The following UTS2 variants were observed in gnomAD, a reference collection of about 807,000 sequenced individuals.
The protein encoded by UTS2 is urotensin-2.
UTS2 carries 10 observed loss-of-function variants against 12.6 expected under a neutral mutation model. The ratio of observed to expected loss-of-function variants is 0.80; its 90% CI spans 0.49 to 1.35. The LOEUF is 1.35. UTS2 is among the 40% of genes most tolerant of loss of function. UTS2 has a pLI of 0.00. For missense variants in UTS2, 142 were observed against 143.2 expected, an observed-to-expected ratio of 0.99 and a Z score of 0.04; for synonymous variants, 52 against 50.0, an observed-to-expected ratio of 1.04 and a Z score of -0.17.
chr1:7,892,478 T>G, the UTS2 span, among the ~76,000 whole-genome samples: 25 of 141,606 alleles, frequency 1.8e-4, no homozygotes, highest in African/African-American at 6.4e-4. Flanking sequence ...TGTTTTTTTT[T>G]TTTTTTTTTT....
At chr1:7,860,072 T>A in the UTS2 span, among the ~76,000 whole-genome samples, 17 of 152,306 alleles carry the variant, frequency 1.1e-4, no homozygotes, top group African/African-American at 3.9e-4. Flanking sequence ...AGTAATGTTA[T>A]TCTCTCACTC....
At chr1:7,888,985 G>A in the UTS2 span, among the ~76,000 whole-genome samples, 5 of 152,064 alleles carry the variant, frequency 3.3e-5, no homozygotes, top group Middle Eastern at 3.4e-3. Context: ...ATAAGAGTAT[G>A]CGCATAACTC....
At chr1:7,901,622 G>GTC in the UTS2 span, among the ~76,000 whole-genome samples, 5,400 of 126,712 alleles carry the variant, frequency 0.043, 503 homozygotes, top group East Asian at 0.44. Context: ...GTGTGTGTGT[G>GTC]TGTGTGTGTA....
chr1:7,885,822 G>A, the UTS2 span, among the ~76,000 whole-genome samples: 1 of 108,554 alleles, frequency 9.2e-6, no homozygotes, highest in East Asian at 2.7e-4. Flanking sequence ...GAAAGGTGAG[G>A]TGGGGAAATC....
intron 1 of UTS2, among the ~76,000 whole-genome samples, chr1:7,851,228 C>T (rs2097413839): frequency 6.6e-6 from 1 of 152,148 alleles, no homozygotes; most frequent in African/African-American, 2.4e-5. Context: ...CATTTTGGTT[C>T]AAAAAGTCTG....
At chr1:7,910,420 C>G in the UTS2 span, among the ~76,000 whole-genome samples, 1 of 152,200 alleles carries the variant, frequency 6.6e-6, no homozygotes, top group Non-Finnish European at 1.5e-5. Context: ...ACAGAGAGGC[C>G]AAGAAGGCCC....
the UTS2 span, among the ~76,000 whole-genome samples, chr1:7,868,671 G>A: frequency 1.3e-5 from 2 of 152,374 alleles, no homozygotes; most frequent in South Asian, 4.1e-4. Context: ...TTCTCTATTA[G>A]TGGGACAATG....
chr1:7,882,299 C>T, the UTS2 span, among the ~76,000 whole-genome samples: 1 of 152,066 alleles, frequency 6.6e-6, no homozygotes, highest in African/African-American at 2.4e-5. Context: ...AGTGCCACTG[C>T]ACTCCAGCCT....
chr1:7,881,099 A>G, the UTS2 span, among the ~76,000 whole-genome samples: 3 of 152,232 alleles, frequency 2.0e-5, no homozygotes, highest in African/African-American at 4.8e-5. Flanking sequence ...TCCCTTAATG[A>G]TAAAAATTCT....
the UTS2 span, among the ~76,000 whole-genome samples, chr1:7,862,057 G>T: frequency 1.4e-4 from 21 of 151,612 alleles, no homozygotes; most frequent in African/African-American, 5.1e-4. Flanking sequence ...GGATTACAGG[G>T]GCTGCCCACC....
At chr1:7,859,637 A>T in the UTS2 span, among the ~76,000 whole-genome samples, 1 of 152,374 alleles carries the variant, frequency 6.6e-6, no homozygotes, top group Admixed American at 6.5e-5. Context: ...GGACACAGCC[A>T]GATAAAACCA....
the UTS2 span, among the ~76,000 whole-genome samples, chr1:7,910,532 C>T: frequency 1.3e-5 from 2 of 152,284 alleles, no homozygotes; most frequent in East Asian, 1.9e-4. Flanking sequence ...TCTGTTGAAC[C>T]TAAGCATAAA....
the UTS2 span, among the ~76,000 whole-genome samples, chr1:7,862,384 C>A: frequency 6.6e-6 from 1 of 151,768 alleles, no homozygotes; most frequent in East Asian, 1.9e-4. Context: ...CCTGAGGATA[C>A]CTGCGAATAC....
chr1:7,909,778 G>A, the UTS2 span, among the ~76,000 whole-genome samples: 24 of 151,718 alleles, frequency 1.6e-4, no homozygotes, highest in South Asian at 2.9e-3. Context: ...CCACCACCAC[G>A]CCCAGCTAAT....
At chr1:7,866,523 C>A in the UTS2 span, among the ~76,000 whole-genome samples, 1 of 152,194 alleles carries the variant, frequency 6.6e-6, no homozygotes, top group African/African-American at 2.4e-5. The surrounding 1 kb of genome is among the most constrained non-coding windows in gnomAD (Gnocchi z 4.5). Context: ...GCGCCACCCA[C>A]ACCCATCCTA....
the UTS2 span, among the ~76,000 whole-genome samples, chr1:7,905,147 CTTT>C: frequency 1.5e-5 from 2 of 136,436 alleles, no homozygotes; most frequent in Non-Finnish European, 1.6e-5. Flanking sequence ...TTTCTTTTTT[CTTT>C]TTTTTTTTTT....
chr1:7,905,114 C>A, the UTS2 span, among the ~76,000 whole-genome samples: 1 of 149,470 alleles, frequency 6.7e-6, no homozygotes, highest in Non-Finnish European at 1.5e-5. Flanking sequence ...GTGAGGGTAT[C>A]TTTTTTTTAT....
At chr1:7,898,709 C>T in the UTS2 span, among the ~76,000 whole-genome samples, 2 of 151,992 alleles carry the variant, frequency 1.3e-5, no homozygotes, top group African/African-American at 2.4e-5. Context: ...GATCTCCTGA[C>T]CTCGTGATCC....
the UTS2 span, among the ~76,000 whole-genome samples, chr1:7,892,575 T>C: frequency 1.3e-5 from 2 of 148,802 alleles, no homozygotes; most frequent in African/African-American, 5.0e-5. Context: ...CCTCCAAGGT[T>C]CAGGTGATTC....
Sources: allele counts gnomAD v4.1 joint callset (sites outside exome capture counted in the v4.1 genomes callset), GRCh38; gene constraint gnomAD v4.1.1; non-coding constraint Gnocchi (gnomAD v3.1); transcripts MANE v1.5; gene names NCBI Gene and HGNC (gene_info 2026-07-23, HGNC 2026-07-21).